Variants in SLX4IP observed in about 807,000 individuals in gnomAD.
SLX4IP encodes protein SLX4IP.
In SLX4IP, 34 loss-of-function variants were observed where a neutral mutation model predicts 32.9. The observed-to-expected ratio is 1.03, with a 90% CI of 0.79 to 1.38. The LOEUF is 1.38. Ranked by LOEUF, SLX4IP falls within the 40% of genes most tolerant of loss-of-function variation. SLX4IP has a pLI of 0.00. For synonymous variants in SLX4IP, 172 were observed against 171.7 expected (o/e 1.00, Z -0.01); for missense variants, 444 against 479.0 (o/e 0.93, Z 0.68).
chr20:10,517,810 A>G (rs1001866868), intron 2 of SLX4IP, among the ~76,000 whole-genome samples: 110 of 152,276 alleles, frequency 7.2e-4, no homozygotes, highest in African/African-American at 2.5e-3. Flanking sequence ...TGCATTCCCC[A>G]GCAAGTCTTC....
In SLX4IP at chr20:10,624,264, C is replaced by T. The variant is rs2067149011; in HGVS notation, c.*885C>T. 6.6e-6 allele frequency: 1 copy of T among 152,222 alleles called. No individual in the cohort carries two copies. The allele number at this position is 152,222 out of a possible 1,614,324, so 9.4% of individuals were successfully genotyped here. ...CCTGTAGCTCAAGCATGTCCCAGTC[C>T]CTGCTCTTGCACCCACCTCCAGGAT... On this transcript the variant is annotated 3_prime_UTR_variant, in exon 8 of 8. Coordinates refer to ENST00000334534, the MANE Select transcript of SLX4IP (RefSeq NM_001009608.3).
intron 2 of SLX4IP, among the ~76,000 whole-genome samples, chr20:10,470,364 C>T (rs897647654): frequency 6.6e-6 from 1 of 152,152 alleles, no homozygotes; most frequent in Non-Finnish European, 1.5e-5. Flanking sequence ...CGTACAGCAG[C>T]GTAGCCGTCA....
At chr20:10,578,226 TCTTCATTTTCCCC>T (rs1296877580) in intron 4 of SLX4IP, among the ~76,000 whole-genome samples, 1 of 152,200 alleles carries the variant, frequency 6.6e-6, no homozygotes, top group African/African-American at 2.4e-5. Flanking sequence ...TAGCAGTTAC[TCTTCATTTTCCCC>T]AATACCCCAG....
chr20:10,438,472 GTTTTTTT>G (rs35297842), intron 1 of SLX4IP, among the ~76,000 whole-genome samples: 1 of 98,854 alleles, frequency 1.0e-5, no homozygotes, highest in African/African-American at 4.1e-5. Context: ...AGGTGTGTGT[GTTTTTTT>G]TTTTTTTTTT....
chr20:10,516,263 A>G (rs761969994), intron 2 of SLX4IP, among the ~76,000 whole-genome samples: 1 of 152,218 alleles, frequency 6.6e-6, no homozygotes, highest in Non-Finnish European at 1.5e-5. Flanking sequence ...GTACACACAT[A>G]CACAAAATGT....
intron 6 of SLX4IP, among the ~76,000 whole-genome samples, chr20:10,606,299 AT>A (rs1020224405): frequency 6.6e-6 from 1 of 152,176 alleles, no homozygotes; most frequent in African/African-American, 2.4e-5. Flanking sequence ...GCTAATTAAC[AT>A]TTGACTGTGC....
chr20:10,473,977 C>T (rs917583479), intron 2 of SLX4IP, among the ~76,000 whole-genome samples: 1 of 152,138 alleles, frequency 6.6e-6, no homozygotes, highest in Middle Eastern at 3.2e-3. Context: ...CACACGCCAC[C>T]ATGCCTGGCT....
chr20:10,470,639 G>A (rs1186749328), intron 2 of SLX4IP, among the ~76,000 whole-genome samples: 1 of 152,118 alleles, frequency 6.6e-6, no homozygotes, highest in Non-Finnish European at 1.5e-5. Context: ...AATATGAGGT[G>A]AAAAAAGAAT....
rs1202736294 is a variant in SLX4IP, at chr20:10,438,997, C to T, written c.-30+3544C>T. Among the ~76,000 whole-genome samples, 5 of 151,814 alleles carry T rather than the reference C, an allele frequency of 3.3e-5. No individual in the cohort carries two copies. The South Asian group carries it at 6.2e-4, about 19-fold the overall frequency. On this transcript the variant is annotated intron_variant, in intron 1 of 7. Transcript: ENST00000334534. ...TGGTATTATAGGCATGAGCCACACA[C>T]GCCTGGCCATCATAATTATTTTGAG... is the stretch of plus-strand genomic sequence containing the variant.
At chr20:10,457,502 T>C (rs1282284346) in intron 1 of SLX4IP, among the ~76,000 whole-genome samples, 1 of 151,602 alleles carries the variant, frequency 6.6e-6, no homozygotes, top group Admixed American at 6.6e-5. Context: ...TAATAGAGTG[T>C]ATTATATTGA....
intron 4 of SLX4IP, among the ~76,000 whole-genome samples, chr20:10,581,671 T>G (rs2066587512): frequency 6.6e-6 from 1 of 152,032 alleles, no homozygotes; most frequent in African/African-American, 2.4e-5. Context: ...ATCCTAACAC[T>G]TTGTGAGGCC....
intron 2 of SLX4IP, among the ~76,000 whole-genome samples, chr20:10,458,948 A>G (rs888085791): frequency 6.6e-6 from 1 of 152,238 alleles, no homozygotes; most frequent in Non-Finnish European, 1.5e-5. Context: ...ACTGTCTTCC[A>G]TAATAGTTGA....
At chr20:10,561,545 CTTTTT>C (rs749781715) in intron 4 of SLX4IP, among the ~76,000 whole-genome samples, 1 of 139,148 alleles carries the variant, frequency 7.2e-6, no homozygotes, top group African/African-American at 2.7e-5. Context: ...TTTCTTTTTT[CTTTTT>C]TTTTTTTTGG....
At chr20:10,509,256 A>T (rs1418610400) in intron 2 of SLX4IP, among the ~76,000 whole-genome samples, 1 of 152,182 alleles carries the variant, frequency 6.6e-6, no homozygotes, top group Non-Finnish European at 1.5e-5. Flanking sequence ...TATTTCTGTT[A>T]TTCAATTATA....
chr20:10,545,063 A>G (rs1337589039), intron 2 of SLX4IP, among the ~76,000 whole-genome samples: 1 of 152,076 alleles, frequency 6.6e-6, no homozygotes, highest in Non-Finnish European at 1.5e-5. Flanking sequence ...AAGAATTTGC[A>G]CATCAAATCA....
intron 6 of SLX4IP, among the ~76,000 whole-genome samples, chr20:10,611,532 G>A (rs76692910): frequency 0.01 from 1,563 of 152,304 alleles, 31 homozygotes; most frequent in African/African-American, 0.036. Context: ...TATCCTTCCA[G>A]CAGGGGGAGG....
At chr20:10,525,181 A>C (rs2065931059) in intron 2 of SLX4IP, among the ~76,000 whole-genome samples, 2 of 152,170 alleles carry the variant, frequency 1.3e-5, no homozygotes, top group South Asian at 4.1e-4. Flanking sequence ...CATCATTTTT[A>C]TGTGTATATC....
intron 6 of SLX4IP, chr20:10,613,409 T>C (rs566450617): frequency 3.2e-6 from 5 of 1,560,120 alleles, no homozygotes; most frequent in Admixed American, 1.7e-5. Context: ...AATTTACACC[T>C]AAGGACCTTT....
chr20:10,542,615 A>G (rs2066119186), intron 2 of SLX4IP, among the ~76,000 whole-genome samples: 1 of 152,178 alleles, frequency 6.6e-6, no homozygotes, highest in South Asian at 2.1e-4. Context: ...TTTCCCGGCC[A>G]CTGCTGTTAA....
Sources: allele counts gnomAD v4.1 joint callset (sites outside exome capture counted in the v4.1 genomes callset), GRCh38; gene constraint gnomAD v4.1.1; transcripts MANE v1.5; gene names NCBI Gene and HGNC (gene_info 2026-07-23, HGNC 2026-07-21).